The following GALNT1 variants were observed in gnomAD, a reference collection of about 807,000 sequenced individuals.
GALNT1 encodes GalNAc transferase 1.
In GALNT1, 17 loss-of-function variants were observed where a neutral mutation model predicts 65.7. The ratio of observed to expected loss-of-function variants is 0.26; its 90% CI spans 0.18 to 0.39. The LOEUF (loss-of-function observed/expected upper bound fraction) is 0.39. GALNT1 is among the 10% of genes least tolerant of loss of function. GALNT1 has a pLI of 1.00. For synonymous variants in GALNT1, 210 were observed against 219.7 expected (o/e 0.96, Z 0.39); for missense variants, 460 against 672.8 (o/e 0.68, Z 3.50).
At chr18:35,607,646 C>T (rs184863073) in intron 1 of GALNT1, among the ~76,000 whole-genome samples, 16 of 152,240 alleles carry the variant, frequency 1.1e-4, no homozygotes, top group African/African-American at 3.6e-4. Context: ...TTCTAACTTT[C>T]GTATTTGCTG....
At chr18:35,613,919 C>G (rs1378542175) in intron 1 of GALNT1, among the ~76,000 whole-genome samples, 1 of 152,022 alleles carries the variant, frequency 6.6e-6, no homozygotes, top group Admixed American at 6.6e-5. Context: ...AAAGTAGTCT[C>G]AGTCTCAGGA....
At chr18:35,615,657 A>G (rs959798233) in intron 1 of GALNT1, among the ~76,000 whole-genome samples, 6 of 152,228 alleles carry the variant, frequency 3.9e-5, no homozygotes, top group Non-Finnish European at 8.8e-5. Context: ...CATACAAAGG[A>G]TAAGGATTTT....
intron 3 of GALNT1, among the ~76,000 whole-genome samples, chr18:35,671,471 A>G (rs944550961): frequency 6.6e-6 from 1 of 152,184 alleles, no homozygotes; most frequent in Non-Finnish European, 1.5e-5. Context: ...TTGGTTTTTA[A>G]TAGATGACTT....
At chr18:35,618,150 A>T (rs1413206723) in intron 1 of GALNT1, among the ~76,000 whole-genome samples, 1 of 152,094 alleles carries the variant, frequency 6.6e-6, no homozygotes, top group African/African-American at 2.4e-5. Context: ...GTGCAATGAG[A>T]TAGCATTATG....
chr18:35,671,158 C>G (rs1355204662), intron 3 of GALNT1, among the ~76,000 whole-genome samples: 3 of 151,682 alleles, frequency 2.0e-5, no homozygotes, highest in Non-Finnish European at 4.4e-5. Flanking sequence ...TTTTTTGCTT[C>G]TCTCGTGCTC....
chr18:35,702,690 C>A, intron 9 of GALNT1: 1 of 329,872 alleles, frequency 3.0e-6, no homozygotes, highest in East Asian at 4.6e-5. Flanking sequence ...AAGGATTTTC[C>A]CCCATAAACA....
chr18:35,620,880 G>A (rs530331010), intron 1 of GALNT1, among the ~76,000 whole-genome samples: 1 of 151,870 alleles, frequency 6.6e-6, no homozygotes, highest in South Asian at 2.1e-4. Context: ...AGTGAAATTA[G>A]TGAGTGATAG....
At chr18:35,617,401 T>A (rs1274078283) in intron 1 of GALNT1, among the ~76,000 whole-genome samples, 1 of 152,222 alleles carries the variant, frequency 6.6e-6, no homozygotes, top group African/African-American at 2.4e-5. Flanking sequence ...AGATGTTAAA[T>A]CCTAATTTAG....
chr18:35,613,771 C>A (rs1484781060), intron 1 of GALNT1, among the ~76,000 whole-genome samples: 2 of 152,110 alleles, frequency 1.3e-5, no homozygotes, highest in Non-Finnish European at 2.9e-5. Flanking sequence ...TTGCCTGTTT[C>A]AGCTTTTCAC....
At position 35,612,477 on chromosome 18, in the gene GALNT1, AT is replaced by A. The variant is rs1219605359; in HGVS notation, c.-104+30622del. Among the ~76,000 whole-genome samples, 8 of 152,156 alleles carry A rather than the reference AT, an allele frequency of 5.3e-5. No homozygotes were observed. The South Asian group carries it at 6.2e-4, about 12-fold the overall frequency. Reference sequence around the variant, plus strand: ...TCGTGTTTATTTTTATATTTGTTTAATTTTTTTGAACAAATAGCATCATAAA... The same window carrying A: ...TCGTGTTTATTTTTATATTTGTTTAATTTTTTGAACAAATAGCATCATAAA... On this transcript the variant is annotated intron_variant, in intron 1 of 11. Coordinates refer to ENST00000269195, the MANE Select transcript of GALNT1 (RefSeq NM_020474.4).
At chr18:35,675,209 G>A (rs951732208) in intron 3 of GALNT1, among the ~76,000 whole-genome samples, 11 of 152,060 alleles carry the variant, frequency 7.2e-5, no homozygotes, top group Non-Finnish European at 1.3e-4. Flanking sequence ...ATGCTAAAGG[G>A]CTCTTTGGTT....
At chr18:35,611,005 T>C (rs1015345703) in intron 1 of GALNT1, among the ~76,000 whole-genome samples, 4 of 152,180 alleles carry the variant, frequency 2.6e-5, no homozygotes, top group Non-Finnish European at 5.9e-5. Flanking sequence ...AAAAATAGTC[T>C]TGACCTTGCA....
intron 3 of GALNT1, among the ~76,000 whole-genome samples, chr18:35,670,220 A>G (rs1407715092): frequency 6.6e-6 from 1 of 152,122 alleles, no homozygotes; most frequent in East Asian, 1.9e-4. Context: ...TGAGCTCAGG[A>G]GTTCGAGATT....
intron 11 of GALNT1, among the ~76,000 whole-genome samples, chr18:35,708,994 G>T (rs1158114308): frequency 6.6e-6 from 1 of 152,122 alleles, no homozygotes; most frequent in African/African-American, 2.4e-5. Context: ...TTTTCTTTCT[G>T]TACCACACCA....
chr18:35,604,443 T>C (rs2046622080), intron 1 of GALNT1, among the ~76,000 whole-genome samples: 1 of 152,152 alleles, frequency 6.6e-6, no homozygotes, highest in African/African-American at 2.4e-5. Context: ...TACCCAGTAA[T>C]GGGATTGCTG....
At chr18:35,596,587 T>C (rs1368979222) in intron 1 of GALNT1, 1 of 152,178 alleles carries the variant, frequency 6.6e-6, no homozygotes, top group Non-Finnish European at 1.5e-5. Flanking sequence ...TGTTTTTTTC[T>C]TTCTTTATTT....
intron 1 of GALNT1, among the ~76,000 whole-genome samples, chr18:35,612,027 A>C (rs1216544235): frequency 1.3e-5 from 2 of 152,196 alleles, no homozygotes; most frequent in Admixed American, 1.3e-4. Flanking sequence ...ATCATTAAAA[A>C]AGACATCATT....
chr18:35,627,430 G>A (rs1280863328), intron 1 of GALNT1: 1 of 152,194 alleles, frequency 6.6e-6, no homozygotes, highest in African/African-American at 2.4e-5. Flanking sequence ...TTTTTCAACA[G>A]GAGATGTGGG....
intron 1 of GALNT1, among the ~76,000 whole-genome samples, chr18:35,582,908 A>C (rs1161833669): frequency 6.6e-6 from 1 of 152,220 alleles, no homozygotes; most frequent in African/African-American, 2.4e-5. Context: ...TGACTATTAA[A>C]ATTAAATTTT....
Sources: allele counts gnomAD v4.1 joint callset (sites outside exome capture counted in the v4.1 genomes callset), GRCh38; gene constraint gnomAD v4.1.1; transcripts MANE v1.5; gene names NCBI Gene and HGNC (gene_info 2026-07-23, HGNC 2026-07-21).